Variants in MAPK6 observed in about 807,000 individuals in gnomAD.
MAPK6 encodes the protein ERK-3.
Under a neutral mutation model 59.3 loss-of-function variants are expected in MAPK6, and 19 were observed. The observed-to-expected ratio is 0.32, with a 90% confidence interval of 0.22 to 0.47. MAPK6 has a LOEUF of 0.47. MAPK6 is among the 20% of genes least tolerant of loss of function. The pLI is 1.00. For missense variants in MAPK6, 724 were observed against 847.9 expected, an observed-to-expected ratio of 0.85 and a Z score of 1.81; for synonymous variants, 316 against 290.3, an observed-to-expected ratio of 1.09 and a Z score of -0.90.
At chr15:52,012,383 CT>C (rs959710024) in intron 3 of MAPK6, among the ~76,000 whole-genome samples, 2 of 152,198 alleles carry the variant, frequency 1.3e-5, no homozygotes, top group Non-Finnish European at 2.9e-5. Flanking sequence ...GTGGTACCCC[CT>C]GGGACGTGGA....
chr15:52,045,093 G>A (rs1377055871), intron 1 of MAPK6, among the ~76,000 whole-genome samples: 3 of 151,884 alleles, frequency 2.0e-5, no homozygotes, highest in Non-Finnish European at 2.9e-5. Flanking sequence ...TTACTGTGAA[G>A]AAAAATGGCC....
chr15:51,998,531 CT>C (rs1450928310), intron 2 of MAPK6, among the ~76,000 whole-genome samples: 1 of 124,950 alleles, frequency 8.0e-6, no homozygotes. Context: ...TCCCCTCTCT[CT>C]TTTTTTTGAG....
At chr15:52,005,103 T>C (rs1251071396) in intron 3 of MAPK6, among the ~76,000 whole-genome samples, 1 of 152,104 alleles carries the variant, frequency 6.6e-6, no homozygotes, top group Non-Finnish European at 1.5e-5. Flanking sequence ...ATTTACACAT[T>C]AAACACTGAG....
upstream of MAPK6, among the ~76,000 whole-genome samples, chr15:52,014,526 A>G (rs1179050379): frequency 6.6e-6 from 1 of 152,050 alleles, no homozygotes; most frequent in Non-Finnish European, 1.5e-5. Flanking sequence ...AGCCTGGGCA[A>G]CATAGTGAGA....
intron 1 of MAPK6, among the ~76,000 whole-genome samples, chr15:51,979,874 C>G (rs1256445561): frequency 5.9e-5 from 9 of 151,784 alleles, no homozygotes; most frequent in African/African-American, 2.2e-4. Flanking sequence ...AAGACTGCAT[C>G]AGAAGCTGGA....
chr15:52,040,548 T>C (rs2031383580), intron 1 of MAPK6, among the ~76,000 whole-genome samples: 1 of 152,252 alleles, frequency 6.6e-6, no homozygotes, highest in Admixed American at 6.5e-5. Flanking sequence ...CTAGACTTCC[T>C]TTTTGACATA....
intron 3 of MAPK6, among the ~76,000 whole-genome samples, chr15:52,012,102 A>G (rs1433031228): frequency 6.6e-6 from 1 of 152,146 alleles, no homozygotes; most frequent in Non-Finnish European, 1.5e-5. Flanking sequence ...TGCTGAGCCA[A>G]TGCCTCTCGT....
rs567288264 is a variant in MAPK6, at chr15:52,049,840, C to T, written c.556-153C>T. Among the ~76,000 whole-genome samples, 5 of 152,056 alleles carry T rather than the reference C, an allele frequency of 3.3e-5. No homozygotes were observed. In the South Asian group the frequency reaches 6.2e-4, roughly 19 times the overall value. ...GTTGGTCAGACTGGTCTCGAACTCC[C>T]GACCTTGGGTGATCCGCCCACCTTG... On this transcript the variant is annotated intron_variant, in intron 2 of 5. Transcript: ENST00000261845.
At chr15:52,047,412 C>T (rs917199300) in intron 2 of MAPK6, among the ~76,000 whole-genome samples, 1 of 152,166 alleles carries the variant, frequency 6.6e-6, no homozygotes, top group Non-Finnish European at 1.5e-5. Flanking sequence ...GTGGCGCCAT[C>T]TCGGCTCACT....
At chr15:52,027,218 C>T (rs2030826297) in intron 1 of MAPK6, among the ~76,000 whole-genome samples, 1 of 149,630 alleles carries the variant, frequency 6.7e-6, no homozygotes. Flanking sequence ...GCCATGGTAG[C>T]GTATGCCTGT....
rs2032385730 is a variant in MAPK6, at chr15:52,065,591, A to G, written c.*591A>G. 1 of 151,908 alleles carries G rather than the reference A, an allele frequency of 6.6e-6. No homozygotes were observed. The highest frequency in any genetic ancestry group is 2.5e-5 in the African/African-American group (1 of 40,748). The allele number at this position is 151,908 out of a possible 1,614,324, so 9.4% of individuals were successfully genotyped here. On this transcript the variant is annotated 3_prime_UTR_variant, in exon 6 of 6. Transcript: ENST00000261845. ...CGTTTATTGTAGTAAACTATTCTTAATAAAACTCACTCACTGTTTATAAAT... is the reference window on the plus strand; with the variant it reads ...CGTTTATTGTAGTAAACTATTCTTAGTAAAACTCACTCACTGTTTATAAAT...
At chr15:52,031,257 A>G (rs1284543602) in intron 1 of MAPK6, among the ~76,000 whole-genome samples, 1 of 152,144 alleles carries the variant, frequency 6.6e-6, no homozygotes, top group African/African-American at 2.4e-5. Context: ...GTCTATAGGA[A>G]ATATACTCTA....
intron 1 of MAPK6, among the ~76,000 whole-genome samples, chr15:52,031,570 C>T (rs1409408377): frequency 2.0e-5 from 3 of 152,120 alleles, no homozygotes; most frequent in Non-Finnish European, 4.4e-5. Context: ...GTGGCTCACA[C>T]CTGTAATCCC....
chr15:52,063,785 T>C (rs1566915739), intron 5 of MAPK6, 117 bp from the exon 6 acceptor site: 1 of 749,980 alleles, frequency 1.3e-6, no homozygotes, highest in Non-Finnish European at 1.9e-6. Flanking sequence ...GCATATTTAC[T>C]CTCCTATAAT....
chr15:52,062,592 C>T (rs948191519), intron 5 of MAPK6, among the ~76,000 whole-genome samples: 4 of 151,960 alleles, frequency 2.6e-5, no homozygotes, highest in East Asian at 1.9e-4. Flanking sequence ...TGGTGAAACC[C>T]GGTCTCTACT....
In MAPK6 at chr15:52,066,184, T is replaced by C. The variant is rs2032417525; in HGVS notation, c.*1184T>C. On this transcript the variant is annotated 3_prime_UTR_variant, in exon 6 of 6. Transcript: ENST00000261845. ...AGTCTCTTAGAATTTGTTTCATCTA[T>C]TTTATTTTATTGAATACTGTCTGTA... 1 of 152,552 alleles carries C rather than the reference T, an allele frequency of 6.6e-6. No homozygotes were observed. The highest frequency in any genetic ancestry group is 2.4e-5 in the African/African-American group (1 of 41,454). 9.4% of individuals were successfully genotyped at this position (152,552 alleles called of 1,614,324 possible).
intron 2 of MAPK6, among the ~76,000 whole-genome samples, chr15:51,985,913 G>A (rs1298553522): frequency 6.6e-6 from 1 of 150,956 alleles, no homozygotes; most frequent in Non-Finnish European, 1.5e-5. Context: ...AGCCGAGATC[G>A]CTCCACTGCA....
At chr15:51,978,635 T>A (rs996220133) in intron 1 of MAPK6, among the ~76,000 whole-genome samples, 1 of 151,612 alleles carries the variant, frequency 6.6e-6, no homozygotes, top group African/African-American at 2.4e-5. Flanking sequence ...TTTCAGAGAT[T>A]TTTTGGGGGG....
intron 3 of MAPK6, among the ~76,000 whole-genome samples, chr15:52,010,005 T>TCA (rs1339199327): frequency 6.6e-6 from 1 of 152,080 alleles, no homozygotes; most frequent in Non-Finnish European, 1.5e-5. Context: ...ACTCCTGACC[T>TCA]TGTGATCCAC....
Sources: gnomAD v4.1 joint callset for allele counts (sites outside exome capture counted in the v4.1 genomes callset) on GRCh38, gnomAD v4.1.1 for gene constraint, MANE v1.5 for transcripts, NCBI Gene and HGNC (gene_info 2026-07-23, HGNC 2026-07-21) for gene names.